Variants in TCF7L1 observed in about 807,000 individuals in gnomAD.
TCF7L1 encodes the protein transcription factor 7 like 1.
TCF7L1 carries 18 observed loss-of-function variants against 63.7 expected under a neutral mutation model. That is an observed-to-expected ratio of 0.28 (90% CI 0.20 to 0.42). TCF7L1 has a LOEUF of 0.42. Among genes scored for constraint, TCF7L1 ranks in the 10% least tolerant of loss-of-function variants. TCF7L1 has a pLI of 1.00. For synonymous variants in TCF7L1, 355 were observed against 340.9 expected, an observed-to-expected ratio of 1.04 and a Z score of -0.46; for missense variants, 654 against 779.3, an observed-to-expected ratio of 0.84 and a Z score of 1.91.
chr2:85,235,192 G>C (rs1680165108), intron 3 of TCF7L1, among the ~76,000 whole-genome samples: 1 of 152,114 alleles, frequency 6.6e-6, no homozygotes, highest in Non-Finnish European at 1.5e-5. Context: ...TACCTCTTGG[G>C]TGGAGAAAGA....
At position 85,203,270 on chromosome 2, in the gene TCF7L1, A is replaced by G. The variant is rs78102977; in HGVS notation, c.441+68820A>G. Among the ~76,000 whole-genome samples, 658 of 152,320 alleles carry G rather than the reference A, an allele frequency of 4.3e-3. 3 individuals are homozygous for G. Among genetic ancestry groups the G allele is most frequent in the South Asian group, 9.5e-3 (46 of 4,832 alleles). On this transcript the variant is annotated intron_variant, in intron 3 of 11. Transcript: ENST00000282111. ...ATTATGTGTATCTTAACACCAGAAC[A>G]TGACCAGAACATTGCATGGCTCTGT...
intron 4 of TCF7L1, among the ~76,000 whole-genome samples, chr2:85,283,950 C>G (rs1204606378): frequency 6.6e-6 from 1 of 152,290 alleles, no homozygotes; most frequent in Non-Finnish European, 1.5e-5. Flanking sequence ...ATTGCCTCCT[C>G]TTCTCCCTCA....
intron 3 of TCF7L1, among the ~76,000 whole-genome samples, chr2:85,213,425 T>C (rs1679619394): frequency 6.6e-6 from 1 of 152,108 alleles, no homozygotes. Flanking sequence ...TACCCAAAAA[T>C]AGCCTTTGAG....
At chr2:85,199,340 A>G (rs6747032) in intron 3 of TCF7L1, among the ~76,000 whole-genome samples, 13,308 of 152,282 alleles carry the variant, frequency 0.087, 1,063 homozygotes, top group African/African-American at 0.21. Flanking sequence ...AGACAATAAA[A>G]TAAAATCCCA....
chr2:85,150,236 CTT>C (rs777018512), intron 3 of TCF7L1, among the ~76,000 whole-genome samples: 13 of 142,142 alleles, frequency 9.1e-5, no homozygotes, highest in East Asian at 2.0e-4. Flanking sequence ...GTTCTTGACT[CTT>C]TTTTTTTTTT....
At chr2:85,301,007 T>A (rs1274802316) in intron 4 of TCF7L1, among the ~76,000 whole-genome samples, 1 of 152,198 alleles carries the variant, frequency 6.6e-6, no homozygotes, top group Non-Finnish European at 1.5e-5. Context: ...CTCGAACTCC[T>A]GACTTCAGGT....
intron 3 of TCF7L1, among the ~76,000 whole-genome samples, chr2:85,206,030 A>G (rs144749666): frequency 1.3e-5 from 2 of 152,384 alleles, no homozygotes; most frequent in East Asian, 1.9e-4. Context: ...AATTCACAGC[A>G]TACCTTTATT....
At chr2:85,144,719 C>CTCTCTCTG (rs1553393493) in intron 3 of TCF7L1, among the ~76,000 whole-genome samples, 2 of 140,452 alleles carry the variant, frequency 1.4e-5, no homozygotes, top group African/African-American at 5.5e-5. Flanking sequence ...CTCTCTCTCT[C>CTCTCTCTG]TGTGTGTGTG....
chr2:85,222,573 G>A (rs931546972), intron 3 of TCF7L1, among the ~76,000 whole-genome samples: 3 of 148,392 alleles, frequency 2.0e-5, no homozygotes, highest in Non-Finnish European at 4.4e-5. Flanking sequence ...GGGAGGCTGA[G>A]TTGTGAGGAT....
At chr2:85,303,438 A>G (rs10174520) in intron 5 of TCF7L1, 114,477 of 153,186 alleles carry the variant, frequency 0.75, 44,222 homozygotes, top group East Asian at 0.94. Flanking sequence ...AAGGCAAAGC[A>G]TTTTTGGAGC....
intron 5 of TCF7L1, chr2:85,303,607 C>G: frequency 3.1e-6 from 1 of 322,518 alleles, no homozygotes; most frequent in Non-Finnish European, 5.6e-6. Context: ...TCCTGTCCCT[C>G]TCTTCCAGGA....
intron 3 of TCF7L1, among the ~76,000 whole-genome samples, chr2:85,250,540 G>A (rs565667148): frequency 4.6e-5 from 7 of 152,080 alleles, no homozygotes; most frequent in East Asian, 3.9e-4. Flanking sequence ...GGGTTCAAGC[G>A]ATTCTCGTGC....
chr2:85,250,490 G>A (rs905872191), intron 3 of TCF7L1, among the ~76,000 whole-genome samples: 9 of 151,894 alleles, frequency 5.9e-5, no homozygotes, highest in Non-Finnish European at 1.0e-4. Context: ...AGGCTGGAGT[G>A]CAGTGGTGCT....
In TCF7L1 at chr2:85,304,268, A is replaced by G; in HGVS notation, c.775A>G (p.Met259Val). The G allele has an allele frequency of 1.2e-6, 2 of 1,613,348 alleles. No homozygotes were observed. The highest frequency in any genetic ancestry group is 1.7e-6 in the Non-Finnish European group (2 of 1,179,720). The change falls in exon 7 of 12, where the codon ATG (methionine) becomes GTG (valine). Residue 259 changes from methionine (M) to valine (V), a missense_variant. Met to Val is a conservative substitution (Grantham distance 21). Transcript: ENST00000282111. The stretch of plus-strand genomic sequence containing the variant: ...TCCCCCTCACAGGCAAGGCCAGCCC[A>G]TGTACTCCCTTCCTCCCGGTGGCTT... ...GWLVPQQGQP[M>V]YSLPPGGFRH...
chr2:85,182,226 A>G (rs897151928), intron 3 of TCF7L1, among the ~76,000 whole-genome samples: 6 of 152,116 alleles, frequency 3.9e-5, no homozygotes, highest in Non-Finnish European at 7.4e-5. Context: ...CTGGCACGTG[A>G]TCTGGGGCAC....
At position 85,222,669 on chromosome 2, in the gene TCF7L1, CA is replaced by C. The variant is rs60020804; in HGVS notation, c.442-60806del. On this transcript the variant is annotated intron_variant, in intron 3 of 11. Coordinates refer to ENST00000282111, the MANE Select transcript of TCF7L1 (RefSeq NM_031283.3). ...TGGGTGACAGAGTGAGACCCCATCT[CA>C]AAAAAAAAAAAAAAAAAAAGATTAA... is the stretch of plus-strand genomic sequence containing the variant. 4.6e-3 allele frequency among the ~76,000 whole-genome samples: 268 copies of C among 58,218 alleles called. 1 individual carries two copies. The highest frequency in any genetic ancestry group is 0.011 in the East Asian group (21 of 1,962). The allele number at this position is 58,218 out of a possible 152,430, so 38.2% of individuals were successfully genotyped here.
intron 4 of TCF7L1, among the ~76,000 whole-genome samples, chr2:85,286,106 G>A (rs954858479): frequency 4.6e-5 from 7 of 150,634 alleles, no homozygotes; most frequent in East Asian, 2.0e-4. Context: ...CAGGAGAATC[G>A]CCTGAACCCG....
chr2:85,142,822 C>T (rs761107933), intron 3 of TCF7L1, among the ~76,000 whole-genome samples: 1 of 152,182 alleles, frequency 6.6e-6, no homozygotes, highest in Non-Finnish European at 1.5e-5. Context: ...GCCCAGGGAA[C>T]AGCCCCAGGA....
intron 4 of TCF7L1, among the ~76,000 whole-genome samples, chr2:85,284,114 G>A (rs560396864): frequency 1.3e-5 from 2 of 152,188 alleles, no homozygotes; most frequent in Admixed American, 1.3e-4. Flanking sequence ...AGGTTCAAGC[G>A]ATTCTCCTGC....
Sources: allele counts gnomAD v4.1 joint callset (sites outside exome capture counted in the v4.1 genomes callset), GRCh38; gene constraint gnomAD v4.1.1; transcripts MANE v1.5; gene names NCBI Gene and HGNC (gene_info 2026-07-23, HGNC 2026-07-21).